The following AGBL1 variants were observed in gnomAD, a reference collection of about 807,000 sequenced individuals.
AGBL1 encodes the protein cytosolic carboxypeptidase 4.
In AGBL1, 130 loss-of-function variants were observed where a neutral mutation model predicts 118.9. The observed-to-expected ratio is 1.09, with a 90% CI of 0.95 to 1.26. AGBL1 has a LOEUF of 1.26. Ranked by LOEUF, AGBL1 falls within the 50% of genes most tolerant of loss-of-function variation. AGBL1 has a pLI of 0.00. For synonymous variants in AGBL1, 555 were observed against 478.9 expected, an observed-to-expected ratio of 1.16 and a Z score of -2.08; for missense variants, 1,584 against 1,298.1, an observed-to-expected ratio of 1.22 and a Z score of -3.38.
At chr15:86,227,026 T>A (rs1597587720) in intron 6 of AGBL1, among the ~76,000 whole-genome samples, 2 of 152,258 alleles carry the variant, frequency 1.3e-5, no homozygotes, top group Admixed American at 1.3e-4. Flanking sequence ...GTTGTTGTTT[T>A]CTTTTTAAAA....
rs368629423 is a variant in AGBL1, at chr15:86,178,400, C to T, written c.488+19374C>T. On this transcript the variant is annotated intron_variant, in intron 5 of 22. Transcript: ENST00000614907. ...AATGACCAGTATCAGAAATGAGAGG[C>T]GAAATTCCTACAATTTCTGTAGATA... 2.2e-4 allele frequency among the ~76,000 whole-genome samples: 34 copies of T among 152,152 alleles called. No individual in the cohort carries two copies. In the East Asian group the frequency reaches 5.6e-3, roughly 25 times the overall value.
chr15:86,439,231 AGT>A (rs1048862035), intron 18 of AGBL1, among the ~76,000 whole-genome samples: 3 of 152,262 alleles, frequency 2.0e-5, no homozygotes, highest in African/African-American at 7.2e-5. Flanking sequence ...CAAAAAATTA[AGT>A]GTGTGTTATC....
chr15:86,156,300 T>G (rs1356406613), intron 4 of AGBL1, among the ~76,000 whole-genome samples: 1 of 152,218 alleles, frequency 6.6e-6, no homozygotes, highest in Admixed American at 6.5e-5. Context: ...CTCTTTGGCT[T>G]CCAGATGGCT....
chr15:86,715,403 G>T (rs1226133879), intron 22 of AGBL1, among the ~76,000 whole-genome samples: 1 of 152,168 alleles, frequency 6.6e-6, no homozygotes, highest in African/African-American at 2.4e-5. Context: ...TGGTCTTCTC[G>T]TAGAAGCGTT....
chr15:86,518,980 C>G (rs2083154660), intron 18 of AGBL1, among the ~76,000 whole-genome samples: 1 of 151,096 alleles, frequency 6.6e-6, no homozygotes, highest in Non-Finnish European at 1.5e-5. Flanking sequence ...TAAACTAAAG[C>G]TTTTTAAAAT....
rs2079042049 is a variant in AGBL1 at position 86,827,485 on chromosome 15, GTGTGTATAT to G, written c.3159-79601_3159-79593del. On this transcript the variant is annotated intron_variant, in intron 22 of 22. Coordinates refer to ENST00000614907, the MANE Select transcript of AGBL1 (RefSeq NM_001386094.1). The stretch of plus-strand genomic sequence containing the variant: ...TATATATATACATATATATATATAT[GTGTGTATAT>G]ATATATATATATATATATATATATA... Among the ~76,000 whole-genome samples the G allele has an allele frequency of 3.9e-3, 15 of 3,868 alleles. 1 individual carries two copies. The highest frequency in any genetic ancestry group is 0.01 in the African/African-American group (12 of 1,186). The allele number at this position is 3,868 out of a possible 152,430, so 2.5% of individuals were successfully genotyped here. A position where few individuals can be genotyped will look rare whatever the true frequency, so the allele number is the denominator to read the frequency against.
rs151255964 is a variant in AGBL1 at position 86,635,026 on chromosome 15, A to C, written c.2995-39247A>C. ...ATATTGAAAAATGAGGACATTCTGC[A>C]TAAACAAAACTGATAAAATTGTTTT... On this transcript the variant is annotated intron_variant, in intron 21 of 22. Coordinates refer to ENST00000614907, the MANE Select transcript of AGBL1 (RefSeq NM_001386094.1). Among the ~76,000 whole-genome samples the C allele has an allele frequency of 4.0e-3, 603 of 152,314 alleles. 4 individuals carry two copies. The highest frequency in any genetic ancestry group is 0.014 in the African/African-American group (581 of 41,582).
chr15:86,530,771 A>G, intron 19 of AGBL1, among the ~76,000 whole-genome samples: 1 of 143,082 alleles, frequency 7.0e-6, no homozygotes, highest in Non-Finnish European at 1.5e-5. Context: ...CTCAGACCAC[A>G]GTGCAATCAA....
At chr15:86,101,693 G>C (rs1896731459) in intron 1 of AGBL1, among the ~76,000 whole-genome samples, 1 of 147,474 alleles carries the variant, frequency 6.8e-6, no homozygotes, top group Non-Finnish European at 1.5e-5. Context: ...TATAGCTACT[G>C]CTGTTTGCTT....
intron 22 of AGBL1, among the ~76,000 whole-genome samples, chr15:86,798,131 A>C (rs2078599442): frequency 6.6e-6 from 1 of 152,184 alleles, no homozygotes; most frequent in South Asian, 2.1e-4. Context: ...TGCAGACCAT[A>C]GAACAGAAAT....
chr15:86,534,864 T>C (rs2083402893), intron 19 of AGBL1, among the ~76,000 whole-genome samples: 1 of 152,158 alleles, frequency 6.6e-6, no homozygotes. Flanking sequence ...GGGACATAAA[T>C]TGAACAGTGT....
intron 5 of AGBL1, among the ~76,000 whole-genome samples, chr15:86,204,605 T>A (rs892078183): frequency 6.6e-6 from 1 of 152,124 alleles, no homozygotes; most frequent in African/African-American, 2.4e-5. Flanking sequence ...GTTTTGTTTT[T>A]TTGAGACGGA....
rs568871099 is a variant in AGBL1 at position 86,738,869 on chromosome 15, T to C, written c.3158+64433T>C. The stretch of plus-strand genomic sequence containing the variant: ...AAAAAAATATCCCAGCCAGGCTTGG[T>C]GGCTCACGCCTGTAATCTCAACAGT... On this transcript the variant is annotated intron_variant, in intron 22 of 22. Coordinates refer to ENST00000614907, the MANE Select transcript of AGBL1 (RefSeq NM_001386094.1). Among the ~76,000 whole-genome samples, 7 of 152,212 alleles carry C rather than the reference T, an allele frequency of 4.6e-5. No homozygotes were observed. The East Asian group carries it at 9.7e-4, about 21-fold the overall frequency.
At chr15:86,602,701 T>A (rs909887074) in intron 21 of AGBL1, among the ~76,000 whole-genome samples, 1 of 152,104 alleles carries the variant, frequency 6.6e-6, no homozygotes, top group Admixed American at 6.6e-5. Context: ...ATAAACAAGA[T>A]GGGAAATTAT....
intron 24 of AGBL1, among the ~76,000 whole-genome samples, chr15:87,022,608 C>A (rs2081677333): frequency 6.6e-6 from 1 of 152,070 alleles, no homozygotes; most frequent in Non-Finnish European, 1.5e-5. Context: ...TCAAGGAACA[C>A]CTGGGAAATT....
intron 18 of AGBL1, among the ~76,000 whole-genome samples, chr15:86,481,223 G>A (rs1038418763): frequency 2.6e-5 from 4 of 151,740 alleles, no homozygotes; most frequent in Non-Finnish European, 4.4e-5. Flanking sequence ...AGGATATTGA[G>A]TACCTACTAT....
chr15:86,632,141 A>G (rs577796661), intron 21 of AGBL1, among the ~76,000 whole-genome samples: 2 of 150,956 alleles, frequency 1.3e-5, no homozygotes, highest in African/African-American at 2.4e-5. Flanking sequence ...GGTGGCTCAC[A>G]TTTGTAGTCC....
In AGBL1 at chr15:86,520,476, A is replaced by AT. The variant is rs558683278; in HGVS notation, c.2556-2326dup. Among the ~76,000 whole-genome samples, 651 of 152,072 alleles carry AT rather than the reference A, an allele frequency of 4.3e-3. 5 individuals are homozygous for AT. Among genetic ancestry groups the AT allele is most frequent in the African/African-American group, 0.015 (616 of 41,490 alleles). ...GCTTCTGGTTTCAGCACAAAACTTT[A>AT]TTTTTTTTATTCTTGGAAATTGTGA... is the stretch of plus-strand genomic sequence containing the variant. On this transcript the variant is annotated intron_variant, in intron 18 of 22. Transcript: ENST00000614907.
At chr15:86,783,525 T>C (rs930992539) in intron 22 of AGBL1, among the ~76,000 whole-genome samples, 3 of 152,264 alleles carry the variant, frequency 2.0e-5, no homozygotes, top group African/African-American at 7.2e-5. Context: ...AGAGTGGTCC[T>C]GTCTCCAAGG....
Sources: allele counts gnomAD v4.1 joint callset (sites outside exome capture counted in the v4.1 genomes callset), GRCh38; gene constraint gnomAD v4.1.1; transcripts MANE v1.5; gene names NCBI Gene and HGNC (gene_info 2026-07-23, HGNC 2026-07-21).